The following DCHS2 variants were observed in gnomAD, a reference collection of about 807,000 sequenced individuals.
DCHS2 encodes the protein protocadherin-23.
DCHS2 carries 142 observed loss-of-function variants against 182.4 expected under a neutral mutation model. The observed-to-expected ratio is 0.78, with a 90% confidence interval of 0.68 to 0.89. DCHS2 has a LOEUF of 0.89. Ranked by LOEUF, DCHS2 falls within the 40% of genes least tolerant of loss-of-function variation. The pLI is 0.00. For missense variants in DCHS2, 4,319 were observed against 4,198.6 expected (o/e 1.03, Z -0.79); for synonymous variants, 1,740 against 1,663.3 (o/e 1.05, Z -1.12).
intron 10 of DCHS2, among the ~76,000 whole-genome samples, chr4:154,313,177 C>T (rs1369567816): frequency 6.6e-6 from 1 of 152,290 alleles, no homozygotes; most frequent in Non-Finnish European, 1.5e-5. Context: ...CCCAGTGGGG[C>T]ACCCTTTCCT....
At chr4:154,242,840 A>C in intron 16 of DCHS2, 68 bp from the exon 17 acceptor site, 4 of 1,512,952 alleles carry the variant, frequency 2.6e-6, no homozygotes, top group Non-Finnish European at 3.5e-6. Context: ...CATAAATATC[A>C]AATATCTAGT....
intron 9 of DCHS2, among the ~76,000 whole-genome samples, chr4:154,317,837 CA>C (rs1193724199): frequency 6.6e-6 from 1 of 152,062 alleles, no homozygotes; most frequent in Admixed American, 6.6e-5. Context: ...GAGTACCTGA[CA>C]GTGAATAAAT....
At chr4:154,291,908 C>T (rs114771262) in intron 13 of DCHS2, among the ~76,000 whole-genome samples, 2,551 of 151,990 alleles carry the variant, frequency 0.017, 67 homozygotes, top group African/African-American at 0.057. Flanking sequence ...GGGTTCCTAC[C>T]GTCAACAATA....
At position 154,484,433 on chromosome 4, in the gene DCHS2, C is replaced by A. The variant is rs138881751; in HGVS notation, c.2052+4871G>T. On this transcript the variant is annotated intron_variant, in intron 1 of 19. Transcript: ENST00000357232. ...CCATAATAATAAAGGCCAAGCTCTG[C>A]GCAAACACTGATATCTCCCATGTCT... Among the ~76,000 whole-genome samples the A allele has an allele frequency of 2.0e-5, 3 of 152,176 alleles. No homozygotes were observed. In the East Asian group the frequency reaches 5.8e-4, roughly 29 times the overall value.
intron 14 of DCHS2, among the ~76,000 whole-genome samples, chr4:154,260,615 A>C (rs11734901): frequency 0.48 from 73,182 of 152,074 alleles, 18,979 homozygotes; most frequent in Non-Finnish European, 0.58. Flanking sequence ...GGAATGGCTC[A>C]CACAGCGATT....
intron 12 of DCHS2, 39 bp downstream of exon 12, chr4:154,304,628 TAA>T (rs550030002): frequency 7.4e-7 from 1 of 1,345,388 alleles, no homozygotes; most frequent in South Asian, 1.4e-5. Context: ...GACTCTGTCT[TAA>T]AAAAACAAAC....
intron 1 of DCHS2, among the ~76,000 whole-genome samples, chr4:154,424,645 A>C (rs1733248507): frequency 6.6e-6 from 1 of 152,250 alleles, no homozygotes; most frequent in Non-Finnish European, 1.5e-5. Context: ...GAAGTAAATG[A>C]ACACTGACAC....
chr4:154,356,687 G>A (rs1049225552), intron 3 of DCHS2, among the ~76,000 whole-genome samples: 7 of 152,110 alleles, frequency 4.6e-5, no homozygotes, highest in Non-Finnish European at 7.4e-5. Context: ...GCGGTAACAT[G>A]CTGCATAGGT....
chr4:154,298,424 G>A lies in DCHS2; in HGVS notation c.5890C>T (p.Leu1964=). The change falls in exon 13 of 20, where the codon CTG becomes TTG. Residue 1964 remains leucine, a synonymous_variant. Coordinates refer to ENST00000357232, the MANE Select transcript of DCHS2 (RefSeq NM_001358235.2). ...AGAAAATACTCAGTTTGCCCATTCAGGCCTTCATCCTTGTCCACAGCTGAA... is the reference window on the plus strand; with the variant it reads ...AGAAAATACTCAGTTTGCCCATTCAAGCCTTCATCCTTGTCCACAGCTGAA... ...VLSAVDKDEG[L]NGQTEYFLTD... is the part of the protein sequence containing the mutation. The A allele has an allele frequency of 6.2e-7, 1 of 1,614,112 alleles. No homozygotes were observed. The highest frequency in any genetic ancestry group is 8.5e-7 in the Non-Finnish European group (1 of 1,180,000).
chr4:154,251,912 C>A (rs1242443628), intron 16 of DCHS2, among the ~76,000 whole-genome samples: 5 of 151,844 alleles, frequency 3.3e-5, no homozygotes, highest in African/African-American at 1.2e-4. Context: ...TTTGTATATT[C>A]ATAAACATCA....
At chr4:154,373,054 G>A (rs989373255) in intron 2 of DCHS2, among the ~76,000 whole-genome samples, 32 of 152,142 alleles carry the variant, frequency 2.1e-4, no homozygotes, top group African/African-American at 7.2e-4. Flanking sequence ...GATTGTCAAG[G>A]TAACAACATA....
intron 7 of DCHS2, among the ~76,000 whole-genome samples, chr4:154,327,522 A>C (rs1004820948): frequency 1.1e-4 from 17 of 152,296 alleles, no homozygotes; most frequent in Admixed American, 1.1e-3. Flanking sequence ...ATGACAAAGC[A>C]CCAAATGTCT....
chr4:154,242,906 A>T (rs1351634320), intron 16 of DCHS2, 134 bp from the exon 17 acceptor site: 11 of 1,303,228 alleles, frequency 8.4e-6, no homozygotes, highest in African/African-American at 1.5e-5. Flanking sequence ...GGATTTTCTA[A>T]ATGGCATCAT....
intron 1 of DCHS2, among the ~76,000 whole-genome samples, chr4:154,411,215 C>A (rs10019687): frequency 0.038 from 5,716 of 149,034 alleles, 121 homozygotes; most frequent in Non-Finnish European, 0.05. Context: ...GAGAATAAAA[C>A]AGTGGTTATC....
chr4:154,382,717 T>C (rs1463476840), intron 1 of DCHS2, among the ~76,000 whole-genome samples: 2 of 152,036 alleles, frequency 1.3e-5, no homozygotes, highest in African/African-American at 4.8e-5. Flanking sequence ...AAAGACGACA[T>C]ACAAGCAGCC....
intron 1 of DCHS2, among the ~76,000 whole-genome samples, chr4:154,404,848 C>T (rs1294939103): frequency 6.6e-6 from 1 of 152,208 alleles, no homozygotes; most frequent in African/African-American, 2.4e-5. Context: ...CTTTATCATG[C>T]TTATTGTCTA....
chr4:154,322,295 T>C (rs1457312379), intron 8 of DCHS2, 36 bp downstream of exon 8: 10 of 1,610,812 alleles, frequency 6.2e-6, no homozygotes, highest in Non-Finnish European at 8.5e-6. Context: ...ATGAAATCTT[T>C]AGATGTCCTT....
chr4:154,341,052 G>T (rs1423391950), intron 3 of DCHS2, among the ~76,000 whole-genome samples: 1 of 152,128 alleles, frequency 6.6e-6, no homozygotes, highest in East Asian at 1.9e-4. Flanking sequence ...TTCTCAAAGG[G>T]AAGTGCCTTG....
rs1578934119 is a variant in DCHS2, at chr4:154,298,903, T to A, written c.5606-195A>T. On this transcript the variant is annotated intron_variant, in intron 12 of 19. Transcript: ENST00000357232. ...GGCTCTGCCCTCATGAAACTTCTAT[T>A]GAGGGGATAAACAGAATAATATGAT... The A allele has an allele frequency of 9.1e-6, 6 of 662,388 alleles. No individual in the cohort carries two copies. The East Asian group carries it at 1.9e-4, about 20-fold the overall frequency. The allele number at this position is 662,388 out of a possible 1,614,324, so 41.0% of individuals were successfully genotyped here.
Sources: allele counts gnomAD v4.1 joint callset (sites outside exome capture counted in the v4.1 genomes callset), GRCh38; gene constraint gnomAD v4.1.1; transcripts MANE v1.5; gene names NCBI Gene and HGNC (gene_info 2026-07-23, HGNC 2026-07-21).